SLC4A7: variants seen among roughly 807,000 people sequenced by gnomAD.
SLC4A7 encodes the protein sodium bicarbonate cotransporter 3.
In SLC4A7, 51 loss-of-function variants were observed where a neutral mutation model predicts 137.6. The observed-to-expected ratio is 0.37, with a 90% CI of 0.30 to 0.47. SLC4A7 has a LOEUF of 0.47. SLC4A7 is among the 20% of genes least tolerant of loss of function. SLC4A7 has a pLI of 1.00. For missense variants in SLC4A7, 1,247 were observed against 1,525.4 expected (o/e 0.82, Z 3.04); for synonymous variants, 542 against 518.6 (o/e 1.05, Z -0.61).
At chr3:27,405,717 G>C (rs900873651) in intron 13 of SLC4A7, among the ~76,000 whole-genome samples, 8 of 151,964 alleles carry the variant, frequency 5.3e-5, no homozygotes, top group African/African-American at 1.9e-4. Context: ...AATATGATAG[G>C]CTTAATCAAT....
chr3:27,424,366 C>G, intron 7 of SLC4A7: 1 of 352,634 alleles, frequency 2.8e-6, no homozygotes. Context: ...TAAAATAATA[C>G]AATTAGAATT....
intron 3 of SLC4A7, among the ~76,000 whole-genome samples, chr3:27,438,562 T>C (rs1349167161): frequency 6.7e-6 from 1 of 149,882 alleles, no homozygotes; most frequent in Non-Finnish European, 1.5e-5. Flanking sequence ...TAACATAACA[T>C]AACATAAAAT....
intron 5 of SLC4A7, 86 bp downstream of exon 5, chr3:27,436,302 A>G: frequency 2.0e-6 from 2 of 1,018,714 alleles, no homozygotes; most frequent in Non-Finnish European, 2.9e-6. Flanking sequence ...CACTCCACAG[A>G]ATAGAAGCTC....
chr3:27,419,183 A>G (rs1205284508), intron 10 of SLC4A7, among the ~76,000 whole-genome samples: 1 of 152,082 alleles, frequency 6.6e-6, no homozygotes, highest in Non-Finnish European at 1.5e-5. Context: ...ATAAATAATT[A>G]TAGGTATTGA....
At position 27,478,511 on chromosome 3, in the gene SLC4A7, CAAA is replaced by C. The variant is rs34313327; in HGVS notation, c.60+5553_60+5555del. On this transcript the variant is annotated intron_variant, in intron 1 of 25. Transcript: ENST00000454389. ...CCTGGGCAAAAGAGCGAGACTGCCT[CAAA>C]AAAAAAAAAAAAAAAACCCAACAAC... Among the ~76,000 whole-genome samples, 6 of 86,126 alleles carry C rather than the reference CAAA, an allele frequency of 7.0e-5. No individual in the cohort carries two copies. In the East Asian group the frequency reaches 1.8e-3, roughly 26 times the overall value. 56.5% of individuals were successfully genotyped at this position (86,126 alleles called of 152,430 possible).
rs1432978486 is a variant in SLC4A7, at chr3:27,484,180, C to T, written c.-54G>A. The T allele has an allele frequency of 8.1e-6, 10 of 1,228,950 alleles. 1 individual carries two copies. The highest frequency in any genetic ancestry group is 1.0e-5 in the Non-Finnish European group (10 of 979,172). 76.1% of individuals were successfully genotyped at this position (1,228,950 alleles called of 1,614,324 possible). The stretch of plus-strand genomic sequence containing the variant: ...TACGGTACTGCCCCGCGCGGTCTGC[C>T]TGCTTCTGCCGCTGCCCCTGCCGCC... On this transcript the variant is annotated 5_prime_UTR_variant, in exon 1 of 26. Transcript: ENST00000454389.
chr3:27,448,190 C>G (rs574467528), intron 3 of SLC4A7, among the ~76,000 whole-genome samples: 1 of 131,660 alleles, frequency 7.6e-6, no homozygotes, highest in African/African-American at 2.8e-5. Context: ...CCAGCCCAGC[C>G]GGGGTGACAG....
At chr3:27,384,044 T>G (rs1233584793) in intron 23 of SLC4A7, among the ~76,000 whole-genome samples, 3 of 152,130 alleles carry the variant, frequency 2.0e-5, no homozygotes, top group Non-Finnish European at 2.9e-5. Flanking sequence ...GGAAGAAAAT[T>G]ATGATGTTAA....
intron 25 of SLC4A7, among the ~76,000 whole-genome samples, chr3:27,378,271 A>G (rs957334334): frequency 6.6e-6 from 1 of 152,230 alleles, no homozygotes; most frequent in Non-Finnish European, 1.5e-5. Context: ...AAGCTAATCA[A>G]TTATTGTCAG....
At chr3:27,475,110 G>GA (rs926753289) in intron 1 of SLC4A7, among the ~76,000 whole-genome samples, 6 of 151,228 alleles carry the variant, frequency 4.0e-5, no homozygotes, top group Admixed American at 2.0e-4. Context: ...GTCTCAAAAA[G>GA]AAAAAAAACC....
chr3:27,477,678 C>A (rs549291381), intron 1 of SLC4A7, among the ~76,000 whole-genome samples: 1 of 152,256 alleles, frequency 6.6e-6, no homozygotes, highest in Admixed American at 6.5e-5. Context: ...GATCTTGGCT[C>A]ACTGCAACCT....
chr3:27,469,117 A>AG (rs1329680960), intron 1 of SLC4A7, among the ~76,000 whole-genome samples: 1 of 152,018 alleles, frequency 6.6e-6, no homozygotes, highest in Admixed American at 6.6e-5. Context: ...AATAAAAGAA[A>AG]AAAAAAAACT....
intron 14 of SLC4A7, 86 bp downstream of exon 14, chr3:27,404,744 T>C (rs1405484743): frequency 8.5e-7 from 1 of 1,172,164 alleles, no homozygotes; most frequent in African/African-American, 1.6e-5. Context: ...ACCAAATTAC[T>C]TTTAAGCAAT....
At chr3:27,423,192 T>A (rs1167883835) in intron 8 of SLC4A7, among the ~76,000 whole-genome samples, 2 of 152,202 alleles carry the variant, frequency 1.3e-5, no homozygotes, top group Non-Finnish European at 1.5e-5. Flanking sequence ...TCCTTTTCTG[T>A]AAAATATATC....
chr3:27,438,026 G>A (rs35752825), intron 3 of SLC4A7, among the ~76,000 whole-genome samples: 27,607 of 151,884 alleles, frequency 0.18, 2,898 homozygotes, highest in Non-Finnish European at 0.25. Flanking sequence ...GTGAAACCCC[G>A]TCTCTACTAA....
intron 20 of SLC4A7, among the ~76,000 whole-genome samples, chr3:27,393,692 T>C (rs2051827453): frequency 6.6e-6 from 1 of 152,184 alleles, no homozygotes; most frequent in Admixed American, 6.5e-5. Flanking sequence ...CGTAATATCA[T>C]TTATGTGTTC....
chr3:27,421,649 C>A lies in SLC4A7; in HGVS notation c.1397G>T (p.Gly466Val). The A allele has an allele frequency of 6.2e-7, 1 of 1,613,752 alleles. No homozygotes were observed. The highest frequency in any genetic ancestry group is 8.5e-7 in the Non-Finnish European group (1 of 1,179,814). ...VRLAPAVLLT[G>V]LTEVPVPTRF... is the part of the protein sequence containing the mutation. ...GGTTGGAACAGGGACCTCAGTCAAC[C>A]CTGTAAGGAGGACAGCAGGAGCCAG... Residue 466 changes from glycine (G) to valine (V), a missense_variant, in exon 9 of 26, where the codon GGG becomes GTG. This residue lies in a region of SLC4A7 where 499 missense variants were observed against 664.2 expected (regional missense o/e 0.75). Coordinates refer to ENST00000454389, the MANE Select transcript of SLC4A7 (RefSeq NM_001321103.2).
At chr3:27,388,990 T>C (rs2051258968) in intron 22 of SLC4A7, among the ~76,000 whole-genome samples, 1 of 152,156 alleles carries the variant, frequency 6.6e-6, no homozygotes, top group Admixed American at 6.5e-5. Flanking sequence ...CCTTGAATCA[T>C]CTCCATATCT....
chr3:27,411,224 T>C (rs890843726), intron 12 of SLC4A7, among the ~76,000 whole-genome samples: 4 of 152,172 alleles, frequency 2.6e-5, no homozygotes, highest in Non-Finnish European at 4.4e-5. Flanking sequence ...CCTCATGATA[T>C]AATGCTCATT....
Sources: allele counts gnomAD v4.1 joint callset (sites outside exome capture counted in the v4.1 genomes callset), GRCh38; gene constraint gnomAD v4.1.1; regional missense constraint gnomAD v4.1.1; transcripts MANE v1.5; gene names NCBI Gene and HGNC (gene_info 2026-07-23, HGNC 2026-07-21).